The following NOSTRIN variants were observed in gnomAD, a reference collection of about 807,000 sequenced individuals.
NOSTRIN encodes the protein BM247 homolog.
In NOSTRIN, 63 loss-of-function variants were observed where a neutral mutation model predicts 59.0. That is an observed-to-expected ratio of 1.07 (90% CI 0.87 to 1.32). The LOEUF is 1.32. Among genes scored for constraint, NOSTRIN ranks in the 40% most tolerant of loss-of-function variants. The pLI, the probability that NOSTRIN is intolerant of heterozygous loss-of-function variation, is 0.00. For missense variants in NOSTRIN, 512 were observed against 473.1 expected, an observed-to-expected ratio of 1.08 and a Z score of -0.76; for synonymous variants, 200 against 165.4, an observed-to-expected ratio of 1.21 and a Z score of -1.61.
At chr2:168,851,455 C>T (rs1420534618) in intron 10 of NOSTRIN, 51 bp downstream of exon 10, 14 of 1,551,564 alleles carry the variant, frequency 9.0e-6, no homozygotes, top group Non-Finnish European at 1.1e-5. Context: ...ATCTTAGGTA[C>T]TGAGGGACTT....
At chr2:168,807,167 G>A (rs1041563338) in intron 1 of NOSTRIN, among the ~76,000 whole-genome samples, 6 of 152,164 alleles carry the variant, frequency 3.9e-5, no homozygotes, top group African/African-American at 1.4e-4. Flanking sequence ...GGGTGGGAGT[G>A]TGGTGAGGTA....
chr2:168,836,380 TCTCTC>T (rs1559124421), intron 7 of NOSTRIN, among the ~76,000 whole-genome samples: 3 of 152,190 alleles, frequency 2.0e-5, no homozygotes, highest in Non-Finnish European at 4.4e-5. Flanking sequence ...TCCACAGTGC[TCTCTC>T]CTCTCCTCCA....
chr2:168,846,711 T>C (rs1438126223), intron 8 of NOSTRIN, among the ~76,000 whole-genome samples: 2 of 152,176 alleles, frequency 1.3e-5, no homozygotes, highest in Non-Finnish European at 2.9e-5. Flanking sequence ...ACTCAAGGAA[T>C]TATTTTTAAA....
At position 168,833,508 on chromosome 2, in the gene NOSTRIN, C is replaced by T. The variant is rs779670432; in HGVS notation, c.406-719C>T. Reference sequence around the variant, plus strand: ...TCAATCAGCCTACTTCCTGAACAGGCTAAATCCAACTTAAACCAAATTCTG... The same window carrying T: ...TCAATCAGCCTACTTCCTGAACAGGTTAAATCCAACTTAAACCAAATTCTG... On this transcript the variant is annotated intron_variant, in intron 6 of 15. Transcript: ENST00000317647. Among the ~76,000 whole-genome samples, 70 of 152,220 alleles carry T rather than the reference C, an allele frequency of 4.6e-4. 1 individual carries two copies. Among genetic ancestry groups the T allele is most frequent in the Non-Finnish European group, 9.4e-4 (64 of 68,050 alleles).
At chr2:168,804,479 C>T (rs943931404) in intron 1 of NOSTRIN, among the ~76,000 whole-genome samples, 2 of 152,188 alleles carry the variant, frequency 1.3e-5, no homozygotes, top group African/African-American at 4.8e-5. Flanking sequence ...TTTCCTGGCA[C>T]ATTCTTAGCT....
At chr2:168,820,784 C>G (rs769102726) in intron 2 of NOSTRIN, among the ~76,000 whole-genome samples, 2 of 151,248 alleles carry the variant, frequency 1.3e-5, no homozygotes, top group Non-Finnish European at 2.9e-5. Context: ...CCACCAAAGC[C>G]CAACTTTTTT....
intron 1 of NOSTRIN, among the ~76,000 whole-genome samples, chr2:168,810,688 G>A (rs1377674580): frequency 6.6e-6 from 1 of 152,166 alleles, no homozygotes; most frequent in Non-Finnish European, 1.5e-5. Flanking sequence ...GTCCTCTTAT[G>A]TAAAATCTCA....
At chr2:168,803,496 C>T (rs990807990) in intron 1 of NOSTRIN, among the ~76,000 whole-genome samples, 4 of 152,048 alleles carry the variant, frequency 2.6e-5, no homozygotes, top group African/African-American at 9.6e-5. Context: ...GATAAATGGG[C>T]GCTGAGATAA....
At chr2:168,840,329 G>C (rs1688000159) in intron 7 of NOSTRIN, among the ~76,000 whole-genome samples, 1 of 152,032 alleles carries the variant, frequency 6.6e-6, no homozygotes. Context: ...AGGAGATCGA[G>C]ACCATCCGGG....
upstream of NOSTRIN, among the ~76,000 whole-genome samples, chr2:168,798,735 A>T (rs773504731): frequency 8.6e-5 from 13 of 151,704 alleles, no homozygotes; most frequent in Non-Finnish European, 1.9e-4. Context: ...ACTCAAAAGG[A>T]CTCTTTGTGC....
chr2:168,864,885 C>A lies in NOSTRIN; in HGVS notation c.1436C>A (p.Ser479Tyr), dbSNP rs756522311. The A allele has an allele frequency of 1.9e-6, 3 of 1,613,970 alleles. No homozygotes were observed. Among genetic ancestry groups the A allele is most frequent in the Admixed American group, 3.3e-5 (2 of 60,008 alleles). ...AAAGAAGGAGGATGGTGGTTTGGAT[C>A]TTTGAATGGGAAAAAAGGCCATTTT... is the stretch of plus-strand genomic sequence containing the variant. ...EKKEGGWWFG[S>Y]LNGKKGHFPA... Residue 479 changes from serine to tyrosine, a missense_variant, in exon 16 of 16, where the codon TCT becomes TAT. Ser to Tyr is a moderately radical substitution (Grantham distance 144). Transcript: ENST00000317647.
At chr2:168,850,175 C>T (rs1688675432) in intron 8 of NOSTRIN, among the ~76,000 whole-genome samples, 4 of 151,730 alleles carry the variant, frequency 2.6e-5, no homozygotes, top group South Asian at 2.1e-4. Flanking sequence ...GGCCTCCCAA[C>T]GTGCTGGGAT....
chr2:168,837,300 C>CTTT lies in NOSTRIN; in HGVS notation c.504+3000_504+3002dup, dbSNP rs761309524. 5.3e-3 allele frequency among the ~76,000 whole-genome samples: 328 copies of CTTT among 62,178 alleles called. 54 individuals are homozygous for CTTT. The highest frequency in any genetic ancestry group is 0.012 in the African/African-American group (201 of 16,938). The allele number at this position is 62,178 out of a possible 152,430, so 40.8% of individuals were successfully genotyped here. On this transcript the variant is annotated intron_variant, in intron 7 of 15. Coordinates refer to ENST00000317647, the MANE Select transcript of NOSTRIN (RefSeq NM_001039724.4). ...TTTTTATAATACACTTTTTTAACAT[C>CTTT]TTTTTTTTTTTTTTTTTTTTTTTTT... is the stretch of plus-strand genomic sequence containing the variant.
chr2:168,824,698 T>C lies in NOSTRIN; in HGVS notation c.178T>C (p.Leu60=). 1 of 872,790 alleles carries C rather than the reference T, an allele frequency of 1.1e-6. No homozygotes were observed. Among genetic ancestry groups the C allele is most frequent in the South Asian group, 1.3e-5 (1 of 76,536 alleles). 54.1% of individuals were successfully genotyped at this position (872,790 alleles called of 1,614,324 possible). Residue 60 remains leucine (L), a synonymous_variant, in exon 3 of 16, where the codon TTA becomes CTA. Coordinates refer to ENST00000317647, the MANE Select transcript of NOSTRIN (RefSeq NM_001039724.4). ...ACTGGCAAGCAAGCTGAGCAAAGCA[T>C]TACAGAACACGAGAAAAAGGTAAGT... ...QKLASKLSKA[L]QNTRKSCVSS... is the part of the protein sequence containing the mutation.
intron 5 of NOSTRIN, among the ~76,000 whole-genome samples, chr2:168,829,517 C>A (rs192523403): frequency 6.6e-6 from 1 of 152,082 alleles, no homozygotes; most frequent in Non-Finnish European, 1.5e-5. Context: ...GACCAGGGAT[C>A]GCTATGTTGG....
In NOSTRIN at chr2:168,829,314, C is replaced by T. The variant is rs1221676263; in HGVS notation, c.342+813C>T. 1.3e-3 allele frequency among the ~76,000 whole-genome samples: 152 copies of T among 115,018 alleles called. 1 individual carries two copies. Among genetic ancestry groups the T allele is most frequent in the Admixed American group, 3.0e-4 (3 of 9,974 alleles). The allele number at this position is 115,018 out of a possible 152,430, so 75.5% of individuals were successfully genotyped here. On this transcript the variant is annotated intron_variant, in intron 5 of 15. Transcript: ENST00000317647. Reference sequence around the variant, plus strand: ...TCCTTCCTTCTCTTTCTTTTTTTTTCTCTCTCTCCCTTTCTTTCTTTTTTT... The same window carrying T: ...TCCTTCCTTCTCTTTCTTTTTTTTTTTCTCTCTCCCTTTCTTTCTTTTTTT...
At chr2:168,831,439 C>G (rs752328173) in intron 5 of NOSTRIN, 33 bp from the exon 6 acceptor site, 1 of 853,832 alleles carries the variant, frequency 1.2e-6, no homozygotes, top group South Asian at 1.3e-5. Flanking sequence ...AAGAAGAAAG[C>G]AAAGCTTTGT....
intron 7 of NOSTRIN, among the ~76,000 whole-genome samples, chr2:168,841,975 C>T (rs1471586144): frequency 6.6e-6 from 1 of 152,184 alleles, no homozygotes; most frequent in Non-Finnish European, 1.5e-5. Flanking sequence ...TCTTCTTGGC[C>T]TCTCTGTGCA....
Position 168,843,116 on chromosome 2 carries a change from A to G in NOSTRIN, c.629A>G (p.Gln210Arg), listed in dbSNP as rs773999582. 5 of 868,624 alleles carry G rather than the reference A, an allele frequency of 5.8e-6. No individual in the cohort carries two copies. The East Asian group carries it at 9.6e-5, about 17-fold the overall frequency. 53.8% of individuals were successfully genotyped at this position (868,624 alleles called of 1,614,324 possible). Residue 210 changes from glutamine (Q) to arginine (R), a missense_variant and splice_region_variant, in exon 8 of 16, where the codon CAG (glutamine) becomes CGG (arginine). Gln to Arg is a conservative substitution (Grantham distance 43). Coordinates refer to ENST00000317647, the MANE Select transcript of NOSTRIN (RefSeq NM_001039724.4). Reference protein sequence around the residue: ...KWENTLENCYQSILELEKERI... With the variant: ...KWENTLENCYRSILELEKERI... ...GAAAACACACTAGAGAACTGCTACCAGGTAAGTTATATATTCACATTTTTT... is the reference window on the plus strand; with the variant it reads ...GAAAACACACTAGAGAACTGCTACCGGGTAAGTTATATATTCACATTTTTT...
Sources: allele counts gnomAD v4.1 joint callset (sites outside exome capture counted in the v4.1 genomes callset), GRCh38; gene constraint gnomAD v4.1.1; transcripts MANE v1.5; gene names NCBI Gene and HGNC (gene_info 2026-07-23, HGNC 2026-07-21).